NAALADL2: variants seen among roughly 807,000 people sequenced by gnomAD.
The protein encoded by NAALADL2 is inactive N-acetylated-alpha-linked acidic dipeptidase-like protein 2.
NAALADL2 carries 76 observed loss-of-function variants against 87.2 expected under a neutral mutation model. The observed-to-expected ratio is 0.87, with a 90% CI of 0.72 to 1.05. The LOEUF (loss-of-function observed/expected upper bound fraction) is 1.05, where lower values mean the gene tolerates loss of function less well. Ranked by LOEUF, NAALADL2 falls within the 50% of genes least tolerant of loss-of-function variation. The probability of loss-of-function intolerance (pLI) is 0.00; values close to 1 mark genes in which losing one functional copy is unlikely to be tolerated. For synonymous variants in NAALADL2, 354 were observed against 331.0 expected (o/e 1.07, Z -0.75); for missense variants, 1,089 against 945.8 (o/e 1.15, Z -1.99).
chr3:175,273,348 A>G (rs1038857007), intron 4 of NAALADL2, among the ~76,000 whole-genome samples: 1 of 152,092 alleles, frequency 6.6e-6, no homozygotes, highest in Non-Finnish European at 1.5e-5. Context: ...TTGGTAGCAT[A>G]TTTGCAAGTA....
At chr3:174,923,786 G>A (rs1330034475) in intron 1 of NAALADL2, among the ~76,000 whole-genome samples, 1 of 152,012 alleles carries the variant, frequency 6.6e-6, no homozygotes, top group Non-Finnish European at 1.5e-5. Flanking sequence ...AAATACCTTG[G>A]TACTTTTGAC....
At chr3:175,019,294 A>G (rs1280183392) in intron 1 of NAALADL2, among the ~76,000 whole-genome samples, 1 of 152,028 alleles carries the variant, frequency 6.6e-6, no homozygotes, top group Non-Finnish European at 1.5e-5. Flanking sequence ...AATGCCTTGA[A>G]TCAATTATTA....
chr3:175,420,699 T>A (rs1715548151), intron 5 of NAALADL2, among the ~76,000 whole-genome samples: 1 of 152,038 alleles, frequency 6.6e-6, no homozygotes, highest in South Asian at 2.1e-4. Context: ...GTTGAACATC[T>A]CCTGTTTCTC....
At chr3:175,706,630 C>T (rs1249339024) in intron 11 of NAALADL2, among the ~76,000 whole-genome samples, 1 of 152,118 alleles carries the variant, frequency 6.6e-6, no homozygotes, top group African/African-American at 2.4e-5. Flanking sequence ...GTCACATTGT[C>T]TCCCAGAATC....
intron 3 of NAALADL2, among the ~76,000 whole-genome samples, chr3:174,743,164 G>A (rs890125784): frequency 1.3e-5 from 2 of 151,454 alleles, no homozygotes; most frequent in East Asian, 1.9e-4. Flanking sequence ...AGTGGCGTAT[G>A]TTTAGACTTG....
At chr3:175,331,127 C>T (rs569518968) in intron 5 of NAALADL2, among the ~76,000 whole-genome samples, 1 of 151,958 alleles carries the variant, frequency 6.6e-6, no homozygotes, top group African/African-American at 2.4e-5. Context: ...ATACCAATAA[C>T]AAGTAATAAA....
At chr3:175,707,588 G>A (rs1443945335) in intron 11 of NAALADL2, among the ~76,000 whole-genome samples, 7 of 152,034 alleles carry the variant, frequency 4.6e-5, no homozygotes, top group Admixed American at 3.3e-4. Flanking sequence ...CATAGCAAGC[G>A]ATTGCAAAAC....
At chr3:174,874,302 T>C (rs1728210066) in intron 1 of NAALADL2, among the ~76,000 whole-genome samples, 1 of 152,166 alleles carries the variant, frequency 6.6e-6, no homozygotes, top group South Asian at 2.1e-4. Flanking sequence ...TTTACTCCTA[T>C]ATGAGAACAG....
chr3:175,006,383 C>T (rs1324056985), intron 1 of NAALADL2, among the ~76,000 whole-genome samples: 1 of 152,072 alleles, frequency 6.6e-6, no homozygotes, highest in Non-Finnish European at 1.5e-5. Flanking sequence ...ATATGTCTTA[C>T]CATACCCAGA....
In NAALADL2 at chr3:175,139,963, G is replaced by T. The variant is rs113636501; in HGVS notation, c.545+42672G>T. Among the ~76,000 whole-genome samples, 764 of 149,152 alleles carry T rather than the reference G, an allele frequency of 5.1e-3. 3 individuals carry two copies. The highest frequency in any genetic ancestry group is 0.018 in the African/African-American group (690 of 38,564). On this transcript the variant is annotated intron_variant, in intron 2 of 13. Coordinates refer to ENST00000454872, the MANE Select transcript of NAALADL2 (RefSeq NM_207015.3). ...AGGCAGTAGGGTAATGGACAAAAAA[G>T]GATTGAATTAAATGACATGAGTAGA...
intron 1 of NAALADL2, among the ~76,000 whole-genome samples, chr3:175,036,424 G>T (rs1419490074): frequency 6.7e-6 from 1 of 149,994 alleles, no homozygotes; most frequent in Admixed American, 6.7e-5. Context: ...TTTTGAGACA[G>T]AGTCTCGCTC....
chr3:174,847,723 C>T (rs1231413436), intron 3 of NAALADL2, among the ~76,000 whole-genome samples: 1 of 151,406 alleles, frequency 6.6e-6, no homozygotes, highest in East Asian at 1.9e-4. Context: ...ACAGTTTAAA[C>T]AACGGGTGTA....
chr3:174,714,199 T>C (rs1418745565), intron 2 of NAALADL2, among the ~76,000 whole-genome samples: 1 of 152,222 alleles, frequency 6.6e-6, no homozygotes, highest in Non-Finnish European at 1.5e-5. Context: ...TTTTGTTTAC[T>C]GTAGCCTTGT....
At chr3:175,244,153 A>G (rs1054055704) in intron 3 of NAALADL2, among the ~76,000 whole-genome samples, 6 of 152,096 alleles carry the variant, frequency 3.9e-5, no homozygotes, top group African/African-American at 1.4e-4. Flanking sequence ...ATGGTTGTTG[A>G]TTATTTATTT....
At chr3:175,088,731 A>T (rs1719523794) in intron 1 of NAALADL2, among the ~76,000 whole-genome samples, 1 of 152,210 alleles carries the variant, frequency 6.6e-6, no homozygotes, top group Non-Finnish European at 1.5e-5. Flanking sequence ...CATAGTCAAA[A>T]AGCAAAATTC....
At chr3:175,304,698 T>C (rs73047223) in intron 4 of NAALADL2, among the ~76,000 whole-genome samples, 3 of 152,094 alleles carry the variant, frequency 2.0e-5, no homozygotes, top group African/African-American at 7.3e-5. Context: ...GTCAAACTAC[T>C]CTGGAAATAT....
intron 2 of NAALADL2, among the ~76,000 whole-genome samples, chr3:174,726,029 T>G (rs1049930389): frequency 6.6e-6 from 1 of 152,178 alleles, no homozygotes; most frequent in African/African-American, 2.4e-5. Context: ...AATCTCTCTT[T>G]AATTAACTGC....
Position 175,615,861 on chromosome 3 carries a change from A to AAT in NAALADL2, c.1801-11417_1801-11416dup, listed in dbSNP as rs951839816. On this transcript the variant is annotated intron_variant, in intron 10 of 13. Transcript: ENST00000454872. ...GACAGAGGGAGACTCTGTCTCAAAA[A>AAT]ATATATATATATATGTATAATATAT... Among the ~76,000 whole-genome samples, 23 of 147,680 alleles carry AAT rather than the reference A, an allele frequency of 1.6e-4. 1 individual carries two copies. The highest frequency in any genetic ancestry group is 1.1e-3 in the South Asian group (5 of 4,752).
intron 1 of NAALADL2, among the ~76,000 whole-genome samples, chr3:175,083,673 G>T (rs1718320623): frequency 6.6e-6 from 1 of 151,980 alleles, no homozygotes; most frequent in African/African-American, 2.4e-5. Flanking sequence ...TTTATCAAAT[G>T]CCTTTAATTT....
Sources: gnomAD v4.1 joint callset for allele counts (sites outside exome capture counted in the v4.1 genomes callset) on GRCh38, gnomAD v4.1.1 for gene constraint, MANE v1.5 for transcripts, NCBI Gene and HGNC (gene_info 2026-07-23, HGNC 2026-07-21) for gene names.